The following ACYP2 variants were observed in gnomAD, a reference collection of about 807,000 sequenced individuals.
ACYP2 encodes acylphosphatase-2.
A neutral mutation model predicts 11.2 loss-of-function variants in ACYP2; 12 were observed. The observed-to-expected ratio is 1.08, with a 90% confidence interval of 0.69 to 1.74. The LOEUF (loss-of-function observed/expected upper bound fraction) is 1.74. Among genes scored for constraint, ACYP2 ranks in the 40% most tolerant of loss-of-function variants. ACYP2 has a pLI of 0.00. For missense variants in ACYP2, 134 were observed against 101.9 expected (o/e 1.31, Z -1.35); for synonymous variants, 43 against 32.2 (o/e 1.33, Z -1.13).
chr2:54,281,805 G>A (rs1184275765), intron 6 of ACYP2, among the ~76,000 whole-genome samples: 1 of 152,116 alleles, frequency 6.6e-6, no homozygotes, highest in Non-Finnish European at 1.5e-5. Context: ...TATGAAAAAT[G>A]CTTTACTAAG....
chr2:54,072,486 T>TA, intron 4 of ACYP2, among the ~76,000 whole-genome samples: 1 of 145,926 alleles, frequency 6.9e-6, no homozygotes, highest in East Asian at 2.0e-4. Flanking sequence ...CTTTCTTTCT[T>TA]TTTTCTTTCT....
At position 54,131,186 on chromosome 2, in the gene ACYP2, A is replaced by T. The variant is rs144294207; in HGVS notation, c.278-4267A>T. On this transcript the variant is annotated intron_variant, in intron 4 of 6. Transcript: ENST00000607452. ...ACTGTGTGCCTATTAGATTTACCTG[A>T]GTTACCTCATTCTTAGATTATGTTA... Among the ~76,000 whole-genome samples the T allele has an allele frequency of 1.8e-4, 27 of 152,362 alleles. No individual in the cohort carries two copies. In the East Asian group the frequency reaches 5.0e-3, roughly 28 times the overall value.
chr2:54,133,853 T>G (rs1243700980), intron 4 of ACYP2, among the ~76,000 whole-genome samples: 2 of 152,196 alleles, frequency 1.3e-5, no homozygotes, highest in Non-Finnish European at 2.9e-5. Context: ...CAGTTCTCTA[T>G]GTATCAATAT....
chr2:54,282,090 C>G (rs780208344), intron 6 of ACYP2, among the ~76,000 whole-genome samples: 19 of 152,174 alleles, frequency 1.2e-4, no homozygotes, highest in Non-Finnish European at 2.5e-4. Flanking sequence ...GACACCAGTT[C>G]TCTTGGTAGT....
chr2:54,153,026 A>C (rs557762919), intron 6 of ACYP2, among the ~76,000 whole-genome samples: 3 of 152,292 alleles, frequency 2.0e-5, no homozygotes, highest in Admixed American at 2.0e-4. Context: ...TTTTTTCAAA[A>C]TTATAATCAT....
At chr2:54,046,031 G>A (rs534962175) in intron 2 of ACYP2, among the ~76,000 whole-genome samples, 13 of 151,942 alleles carry the variant, frequency 8.6e-5, no homozygotes, top group East Asian at 5.8e-4. Context: ...TTAGTTGGGC[G>A]TGGTGGCACA....
At chr2:54,048,962 G>A (rs1397637133) in intron 2 of ACYP2, among the ~76,000 whole-genome samples, 2 of 152,122 alleles carry the variant, frequency 1.3e-5, no homozygotes, top group African/African-American at 4.8e-5. Flanking sequence ...GTCAGTGTCT[G>A]TTCTGAGATA....
chr2:54,102,944 G>C (rs1411306842), intron 4 of ACYP2, among the ~76,000 whole-genome samples: 2 of 152,172 alleles, frequency 1.3e-5, no homozygotes, highest in Non-Finnish European at 2.9e-5. Context: ...GGAAGACTTT[G>C]GTTGGCCTGG....
At chr2:54,242,078 C>T (rs548399120) in intron 6 of ACYP2, among the ~76,000 whole-genome samples, 6 of 152,136 alleles carry the variant, frequency 3.9e-5, no homozygotes, top group Non-Finnish European at 8.8e-5. Context: ...ATTTATAATA[C>T]GCGTAGTAAA....
At chr2:54,016,204 T>A (rs1249615920) in intron 2 of ACYP2, among the ~76,000 whole-genome samples, 1 of 152,054 alleles carries the variant, frequency 6.6e-6, no homozygotes, top group Non-Finnish European at 1.5e-5. Context: ...TGGAGGCCAC[T>A]GCTGCCTGGC....
intron 2 of ACYP2, among the ~76,000 whole-genome samples, chr2:54,039,863 G>GTC (rs887082323): frequency 1.4e-5 from 2 of 144,256 alleles, no homozygotes; most frequent in Middle Eastern, 3.3e-3. Context: ...GTGTGTGTGT[G>GTC]TGTGTGTTTT....
chr2:54,179,043 C>T (rs547372056), intron 6 of ACYP2, among the ~76,000 whole-genome samples: 1 of 152,298 alleles, frequency 6.6e-6, no homozygotes, highest in East Asian at 1.9e-4. Flanking sequence ...GGTTCATAGA[C>T]AGCTGTCTTC....
At chr2:53,993,708 A>G (rs1672419085) in intron 2 of ACYP2, among the ~76,000 whole-genome samples, 1 of 152,160 alleles carries the variant, frequency 6.6e-6, no homozygotes, top group Non-Finnish European at 1.5e-5. Context: ...GATGAAAAAA[A>G]AAAAGATTTG....
chr2:53,980,668 A>G (rs1341198265), intron 2 of ACYP2, among the ~76,000 whole-genome samples: 1 of 152,160 alleles, frequency 6.6e-6, no homozygotes, highest in African/African-American at 2.4e-5. Context: ...ACATTCACCC[A>G]CCACATACTC....
intron 6 of ACYP2, among the ~76,000 whole-genome samples, chr2:54,262,490 G>C (rs1687822503): frequency 6.6e-6 from 1 of 152,132 alleles, no homozygotes; most frequent in African/African-American, 2.4e-5. Context: ...AAAAGAAATT[G>C]ATACTACAGT....
intron 6 of ACYP2, among the ~76,000 whole-genome samples, chr2:54,151,269 T>C (rs1682156305): frequency 1.3e-5 from 2 of 152,218 alleles, no homozygotes; most frequent in Admixed American, 1.3e-4. Context: ...TAAATTGAAA[T>C]GCAACAATGG....
intron 2 of ACYP2, among the ~76,000 whole-genome samples, chr2:54,045,370 C>T (rs184413783): frequency 7.2e-5 from 11 of 152,310 alleles, no homozygotes; most frequent in East Asian, 1.9e-4. Context: ...GCAAACCCTC[C>T]TGTCTCAGTG....
intron 6 of ACYP2, among the ~76,000 whole-genome samples, chr2:54,293,708 C>T (rs1689406975): frequency 6.6e-6 from 1 of 152,194 alleles, no homozygotes; most frequent in Non-Finnish European, 1.5e-5. Context: ...TTCAATAGCT[C>T]AGTGGGGTGA....
intron 2 of ACYP2, among the ~76,000 whole-genome samples, chr2:54,019,018 T>G (rs2104544273): frequency 6.6e-6 from 1 of 152,128 alleles, no homozygotes; most frequent in South Asian, 2.1e-4. Context: ...GTGCTGAGAT[T>G]ACAGGCGTGT....
Sources: allele counts gnomAD v4.1 joint callset (sites outside exome capture counted in the v4.1 genomes callset), GRCh38; gene constraint gnomAD v4.1.1; transcripts MANE v1.5; gene names NCBI Gene and HGNC (gene_info 2026-07-23, HGNC 2026-07-21).